The following KIF1B variants were observed in gnomAD, a reference collection of about 807,000 sequenced individuals.
KIF1B encodes kinesin family member 1B.
Under a neutral mutation model 241.9 loss-of-function variants are expected in KIF1B, and 76 were observed. The ratio of observed to expected loss-of-function variants is 0.31; its 90% CI spans 0.26 to 0.38. The LOEUF is 0.38. KIF1B is among the 10% of genes least tolerant of loss of function. The pLI is 1.00. For synonymous variants in KIF1B, 750 were observed against 796.7 expected (o/e 0.94, Z 0.99); for missense variants, 1,622 against 2,271.4 (o/e 0.71, Z 5.81).
chr1:10,289,392 C>G (rs1244579452), intron 15 of KIF1B, among the ~76,000 whole-genome samples: 1 of 152,166 alleles, frequency 6.6e-6, no homozygotes, highest in East Asian at 1.9e-4. Context: ...TTCCCACTCT[C>G]AGCATACCCA....
intron 2 of KIF1B, among the ~76,000 whole-genome samples, 194 bp downstream of exon 2, chr1:10,232,628 C>T (rs1013562383): frequency 9.2e-5 from 14 of 151,998 alleles, no homozygotes; most frequent in African/African-American, 3.4e-4. Context: ...ATTTATTTTA[C>T]CCTGTACAAT....
intron 31 of KIF1B, among the ~76,000 whole-genome samples, chr1:10,338,893 C>T (rs1317510384): frequency 2.0e-5 from 3 of 152,202 alleles, no homozygotes; most frequent in South Asian, 2.1e-4. Context: ...TGTTCTCAGA[C>T]GGGTGAACTA....
At chr1:10,213,847 G>T (rs913813151) in intron 1 of KIF1B, among the ~76,000 whole-genome samples, 1 of 151,994 alleles carries the variant, frequency 6.6e-6, no homozygotes, top group African/African-American at 2.4e-5. Context: ...CCTGCAAAAG[G>T]TGCCTTGGGC....
intron 32 of KIF1B, among the ~76,000 whole-genome samples, chr1:10,340,096 A>G (rs916800508): frequency 6.6e-6 from 1 of 152,200 alleles, no homozygotes; most frequent in Admixed American, 6.5e-5. Flanking sequence ...ATCTTCCATC[A>G]GTTTGAATGC....
chr1:10,369,708 A>T (rs1182115518), intron 44 of KIF1B, among the ~76,000 whole-genome samples: 1 of 151,164 alleles, frequency 6.6e-6, no homozygotes, highest in Non-Finnish European at 1.5e-5. Flanking sequence ...CAAGGCGGGA[A>T]GATCACCTGA....
In KIF1B at chr1:10,278,042, A is replaced by G. The variant is rs998331640; in HGVS notation, c.1094A>G (p.Asn365Ser). The change falls in exon 13 of 49, where the codon AAT becomes AGT. Residue 365 changes from asparagine to serine, a missense_variant. By Grantham distance (46) the Asn-to-Ser change is conservative. Coordinates refer to ENST00000676179, the MANE Select transcript of KIF1B (RefSeq NM_001365951.3). ...AATGCTGTTATCAATGAGGACCCCA[A>G]TGCCAAACTGGTTCGTGAATTAAAG... ...KCNAVINEDP[N>S]AKLVRELKEE... The G allele has an allele frequency of 2.5e-6, 4 of 1,613,980 alleles. No individual in the cohort carries two copies. Among genetic ancestry groups the G allele is most frequent in the African/African-American group, 1.3e-5 (1 of 74,926 alleles).
At chr1:10,223,667 T>C (rs910065649) in intron 1 of KIF1B, among the ~76,000 whole-genome samples, 3 of 150,942 alleles carry the variant, frequency 2.0e-5, no homozygotes, top group African/African-American at 7.3e-5. Context: ...CTGCCTCAGC[T>C]TCCCGAGTAG....
At chr1:10,277,201 C>G (rs1260230309) in intron 12 of KIF1B, among the ~76,000 whole-genome samples, 1 of 151,492 alleles carries the variant, frequency 6.6e-6, no homozygotes, top group Non-Finnish European at 1.5e-5. Flanking sequence ...GTCCTAGCTA[C>G]TTGGAAAGCT....
In KIF1B at chr1:10,324,763, G is replaced by T. The variant is rs1391750488; in HGVS notation, c.2543G>T (p.Arg848Met). 6.2e-7 allele frequency: 1 copy of T among 1,613,996 alleles called. No individual in the cohort carries two copies. ...GCTTTGTGTTTACTAAATAGGCAGA[G>T]GCTGGATTTGATGCGAGAGATGTAT... ...HYWSLEKLKQRLDLMREMYDR... is the reference protein window; with the variant it reads ...HYWSLEKLKQMLDLMREMYDR... The change falls in exon 26 of 49, where the codon AGG becomes ATG. Residue 848 changes from arginine (R) to methionine (M), a missense_variant. Arg to Met is a moderately conservative substitution (Grantham distance 91). This residue lies in a region of KIF1B where 803 missense variants were observed against 1,112.0 expected (regional missense o/e 0.72). Transcript: ENST00000676179.
intron 17 of KIF1B, among the ~76,000 whole-genome samples, chr1:10,294,284 T>C (rs897350541): frequency 2.0e-5 from 3 of 152,200 alleles, no homozygotes; most frequent in Admixed American, 2.0e-4. Flanking sequence ...GTTTATCTTA[T>C]CGAATATCAG....
chr1:10,328,755 A>AC (rs1379632268), intron 27 of KIF1B, among the ~76,000 whole-genome samples: 1 of 152,238 alleles, frequency 6.6e-6, no homozygotes, highest in East Asian at 1.9e-4. Flanking sequence ...GAGAAGCCTG[A>AC]CCTAATTGTC....
chr1:10,250,826 G>T (rs115418607), intron 2 of KIF1B, among the ~76,000 whole-genome samples: 2,849 of 151,390 alleles, frequency 0.019, 41 homozygotes, highest in Non-Finnish European at 0.028. Context: ...ACGCTGTCTG[G>T]GGAAAACAAA....
At chr1:10,280,657 A>G (rs1569688701) in intron 14 of KIF1B, among the ~76,000 whole-genome samples, 3 of 152,214 alleles carry the variant, frequency 2.0e-5, no homozygotes, top group South Asian at 4.1e-4. Context: ...AAGGCACTAT[A>G]ATGTCCTGAT....
intron 44 of KIF1B, 41 bp downstream of exon 44, chr1:10,368,579 A>C: frequency 3.2e-6 from 5 of 1,542,918 alleles, no homozygotes; most frequent in Non-Finnish European, 4.5e-6. Context: ...TATGTTGATA[A>C]CTGATTTCTC....
At chr1:10,358,322 TGAAA>T (rs1393692181) in intron 38 of KIF1B, among the ~76,000 whole-genome samples, 3 of 152,122 alleles carry the variant, frequency 2.0e-5, no homozygotes, top group African/African-American at 7.2e-5. Flanking sequence ...TTGCCTCAGT[TGAAA>T]GAGTCAGTGT....
rs1472918160 is a variant in KIF1B, at chr1:10,210,885, C to T, written c.-80+7C>T. The T allele has an allele frequency of 6.6e-6, 1 of 150,904 alleles. No individual in the cohort carries two copies. Among genetic ancestry groups the T allele is most frequent in the Non-Finnish European group, 1.5e-5 (1 of 67,500 alleles). The allele number at this position is 150,904 out of a possible 1,614,324, so 9.3% of individuals were successfully genotyped here. On this transcript the variant is annotated splice_region_variant and intron_variant, in intron 1 of 48. Coordinates refer to ENST00000676179, the MANE Select transcript of KIF1B (RefSeq NM_001365951.3). The surrounding 1 kb of genome is among the most constrained non-coding windows in gnomAD (Gnocchi z 4.1). ...GGTCTGCAGCGCGGCTGAGGTAAGG[C>T]GGCGGGGCTGGCCGCGGTTGGCGCC...
chr1:10,323,113 C>T lies in KIF1B; in HGVS notation c.2359-771C>T, dbSNP rs116392098. Among the ~76,000 whole-genome samples, 695 of 152,128 alleles carry T rather than the reference C, an allele frequency of 4.6e-3. 3 individuals are homozygous for T. Among genetic ancestry groups the T allele is most frequent in the African/African-American group, 0.015 (638 of 41,492 alleles). On this transcript the variant is annotated intron_variant, in intron 24 of 48. Coordinates refer to ENST00000676179, the MANE Select transcript of KIF1B (RefSeq NM_001365951.3). ...CTGGGCTCAAGTGATCCTTCCGCCT[C>T]GGCCTTCTAGTGTGCTGGGATTACA...
chr1:10,321,679 C>T, intron 23 of KIF1B, 30 bp from the exon 24 acceptor site: 10 of 1,610,284 alleles, frequency 6.2e-6, no homozygotes, highest in Non-Finnish European at 8.5e-6. Flanking sequence ...TGTAAGATTG[C>T]CATTAAATAT....
In KIF1B at chr1:10,326,399, C is replaced by T; in HGVS notation, c.2924+40C>T. ...TGTGAGAAAGGCGAAAAGGGACCAG[C>T]TCTTGCTCTGAAGGCCTCCCTGCTT... On this transcript the variant is annotated intron_variant, in intron 27 of 48. Transcript: ENST00000676179. This position sits in a 1 kb window ranked among gnomAD's most constrained non-coding sequence, Gnocchi z 5.2. The T allele has an allele frequency of 6.2e-7, 1 of 1,613,296 alleles. No individual in the cohort carries two copies. The highest frequency in any genetic ancestry group is 1.1e-5 in the South Asian group (1 of 90,968).
Sources: allele counts gnomAD v4.1 joint callset (sites outside exome capture counted in the v4.1 genomes callset), GRCh38; gene constraint gnomAD v4.1.1; regional missense constraint gnomAD v4.1.1; non-coding constraint Gnocchi (gnomAD v3.1); transcripts MANE v1.5; gene names NCBI Gene and HGNC (gene_info 2026-07-23, HGNC 2026-07-21).